The following UBAC2 variants were observed in gnomAD, a reference collection of about 807,000 sequenced individuals.
UBAC2 encodes the protein ubiquitin-associated domain-containing protein 2.
Under a neutral mutation model 44.0 loss-of-function variants are expected in UBAC2, and 26 were observed. That is an observed-to-expected ratio of 0.59 (90% CI 0.43 to 0.82). UBAC2 has a LOEUF of 0.82. Among genes scored for constraint, UBAC2 ranks in the 40% least tolerant of loss-of-function variants. The probability of loss-of-function intolerance (pLI) is 0.00; values close to 1 mark genes in which losing one functional copy is unlikely to be tolerated. For synonymous variants in UBAC2, 155 were observed against 154.3 expected (o/e 1.00, Z -0.04); for missense variants, 329 against 419.4 (o/e 0.78, Z 1.88).
At chr13:99,326,679 T>G (rs889407234) in intron 6 of UBAC2, among the ~76,000 whole-genome samples, 3 of 152,106 alleles carry the variant, frequency 2.0e-5, no homozygotes, top group Admixed American at 6.6e-5. Flanking sequence ...GAGGCTGAGT[T>G]TCAGGTTGCA....
At chr13:99,349,007 C>T (rs2045036319) in intron 7 of UBAC2, among the ~76,000 whole-genome samples, 1 of 152,156 alleles carries the variant, frequency 6.6e-6, no homozygotes, top group Admixed American at 6.5e-5. Flanking sequence ...GGAAGAAGAC[C>T]AGGTGGGAGA....
Position 99,232,397 on chromosome 13 carries a change from G to GATATATAT in UBAC2, c.32-6029_32-6028insTATATATA, listed in dbSNP as rs768838568. ...CAAGACCCTGTCCATCCTTAGTTGAGAGATATAGATATATATATATATATT... is the reference window on the plus strand; with the variant it reads ...CAAGACCCTGTCCATCCTTAGTTGAGATATATATAGATATAGATATATATATATATATT... On this transcript the variant is annotated intron_variant, in intron 1 of 8. Transcript: ENST00000403766. Among the ~76,000 whole-genome samples the GATATATAT allele has an allele frequency of 3.3e-3, 268 of 82,320 alleles. 12 individuals carry two copies. The highest frequency in any genetic ancestry group is 6.5e-3 in the Non-Finnish European group (213 of 32,912). 54.0% of individuals were successfully genotyped at this position (82,320 alleles called of 152,430 possible). A position where few individuals can be genotyped will look rare whatever the true frequency, so the allele number is the denominator to read the frequency against.
At chr13:99,272,292 T>C (rs924068278) in intron 4 of UBAC2, among the ~76,000 whole-genome samples, 3 of 152,212 alleles carry the variant, frequency 2.0e-5, no homozygotes, top group Non-Finnish European at 2.9e-5. Flanking sequence ...TTTTTAAGCA[T>C]GTATAAGAAA....
intron 4 of UBAC2, among the ~76,000 whole-genome samples, chr13:99,293,400 C>T (rs956860423): frequency 3.3e-5 from 5 of 152,158 alleles, no homozygotes; most frequent in African/African-American, 1.2e-4. Context: ...ACCAGGGCAC[C>T]ACAGAGAAGC....
chr13:99,218,550 T>G (rs2043022163), intron 1 of UBAC2, among the ~76,000 whole-genome samples: 1 of 151,964 alleles, frequency 6.6e-6, no homozygotes, highest in Non-Finnish European at 1.5e-5. Context: ...ATTTTCCTGA[T>G]AAACTGTATA....
intron 8 of UBAC2, among the ~76,000 whole-genome samples, chr13:99,379,632 T>A (rs2045524547): frequency 6.6e-6 from 1 of 152,216 alleles, no homozygotes; most frequent in Non-Finnish European, 1.5e-5. Flanking sequence ...TTTTTAGCTT[T>A]ATGCAGTGTT....
intron 7 of UBAC2, among the ~76,000 whole-genome samples, chr13:99,364,631 G>A (rs1454815105): frequency 3.3e-5 from 5 of 152,078 alleles, no homozygotes; most frequent in African/African-American, 1.2e-4. Flanking sequence ...TTTTTGGTGG[G>A]TAGATTTTTA....
chr13:99,317,249 TTCC>T (rs940258813), intron 5 of UBAC2, among the ~76,000 whole-genome samples: 18 of 152,300 alleles, frequency 1.2e-4, no homozygotes, highest in Admixed American at 9.8e-4. Flanking sequence ...CTGCCTCTTC[TTCC>T]ACAATCAGAA....
intron 7 of UBAC2, among the ~76,000 whole-genome samples, chr13:99,343,255 C>T (rs138183914): frequency 1.2e-3 from 187 of 152,262 alleles, no homozygotes; most frequent in African/African-American, 4.2e-3. Context: ...CTTCATGGTG[C>T]AGCAGCAGTT....
At chr13:99,267,397 A>T (rs774110094) in intron 4 of UBAC2, among the ~76,000 whole-genome samples, 1 of 152,128 alleles carries the variant, frequency 6.6e-6, no homozygotes, top group Non-Finnish European at 1.5e-5. Context: ...TATTTTGATG[A>T]TAAGGATGAA....
At chr13:99,383,879 G>A (rs2045583944) in intron 8 of UBAC2, among the ~76,000 whole-genome samples, 1 of 152,244 alleles carries the variant, frequency 6.6e-6, no homozygotes, top group Non-Finnish European at 1.5e-5. Flanking sequence ...TGGTCACTGG[G>A]AGGTTCCCTC....
intron 4 of UBAC2, among the ~76,000 whole-genome samples, chr13:99,267,216 A>G (rs1310921393): frequency 6.6e-6 from 1 of 152,024 alleles, no homozygotes; most frequent in Non-Finnish European, 1.5e-5. Context: ...CCATTTGTTA[A>G]TCTTTCTTGG....
chr13:99,227,705 A>T (rs2043126496), intron 1 of UBAC2, among the ~76,000 whole-genome samples: 1 of 152,124 alleles, frequency 6.6e-6, no homozygotes, highest in Non-Finnish European at 1.5e-5. Flanking sequence ...TACACTCCAA[A>T]CCACAAGGCT....
At chr13:99,352,572 C>G (rs2045109853) in intron 7 of UBAC2, among the ~76,000 whole-genome samples, 1 of 152,206 alleles carries the variant, frequency 6.6e-6, no homozygotes, top group Admixed American at 6.5e-5. Flanking sequence ...TGCCACTCCA[C>G]CAGACCAGTT....
intron 7 of UBAC2, among the ~76,000 whole-genome samples, chr13:99,358,962 T>G (rs1322796324): frequency 2.0e-5 from 3 of 152,120 alleles, no homozygotes; most frequent in Non-Finnish European, 1.5e-5. Context: ...GGTTCGAGTT[T>G]GGGAGTCTCT....
At chr13:99,319,962 C>G (rs976574336) in intron 6 of UBAC2, among the ~76,000 whole-genome samples, 2 of 152,222 alleles carry the variant, frequency 1.3e-5, no homozygotes, top group Non-Finnish European at 2.9e-5. Flanking sequence ...GTTTTGAGTT[C>G]TGTTTTAAAT....
intron 7 of UBAC2, among the ~76,000 whole-genome samples, chr13:99,347,854 G>T (rs954903825): frequency 6.6e-6 from 1 of 151,846 alleles, no homozygotes; most frequent in Admixed American, 6.6e-5. Context: ...TGGGCCTGTG[G>T]CAGTGAAGAT....
At chr13:99,340,264 A>G (rs1031864699) in intron 6 of UBAC2, 56 bp from the exon 7 acceptor site, 2 of 1,583,464 alleles carry the variant, frequency 1.3e-6, no homozygotes, top group Non-Finnish European at 1.7e-6. Flanking sequence ...TGAGTCGTGT[A>G]CATTTTTTAA....
At chr13:99,246,218 A>C (rs995757380) in intron 4 of UBAC2, among the ~76,000 whole-genome samples, 1 of 152,282 alleles carries the variant, frequency 6.6e-6, no homozygotes, top group Non-Finnish European at 1.5e-5. Context: ...ATGAATGTTG[A>C]CCTTTAGCTC....
Sources: allele counts gnomAD v4.1 joint callset (sites outside exome capture counted in the v4.1 genomes callset), GRCh38; gene constraint gnomAD v4.1.1; transcripts MANE v1.5; gene names NCBI Gene and HGNC (gene_info 2026-07-23, HGNC 2026-07-21).